FSD1L: variants seen among roughly 807,000 people sequenced by gnomAD.
FSD1L encodes FSD1-like protein.
Under a neutral mutation model 71.6 loss-of-function variants are expected in FSD1L, and 45 were observed. The ratio of observed to expected loss-of-function variants is 0.63; its 90% confidence interval spans 0.49 to 0.81. The LOEUF (loss-of-function observed/expected upper bound fraction) is 0.81. FSD1L is among the 30% of genes least tolerant of loss of function. The pLI is 0.00. For synonymous variants in FSD1L, 197 were observed against 207.2 expected (o/e 0.95, Z 0.42); for missense variants, 561 against 618.1 (o/e 0.91, Z 0.98).
Position 105,546,998 on chromosome 9 carries a change from C to G in FSD1L, c.*515C>G, listed in dbSNP as rs373602494. 6.6e-6 allele frequency: 1 copy of G among 151,878 alleles called. No homozygotes were observed. 9.4% of individuals were successfully genotyped at this position (151,878 alleles called of 1,614,324 possible). A position where few individuals can be genotyped will look rare whatever the true frequency, so the allele number is the denominator to read the frequency against. On this transcript the variant is annotated 3_prime_UTR_variant, in exon 14 of 14. Transcript: ENST00000481272. ...AAGGTTTTCAAATGGTTTATTTTTC[C>G]TCTTTTATAAATAAGTTTTACAAAA...
chr9:105,494,963 A>G (rs537460774), intron 7 of FSD1L, among the ~76,000 whole-genome samples: 1 of 152,296 alleles, frequency 6.6e-6, no homozygotes, highest in African/African-American at 2.4e-5. Context: ...TCACGGACCC[A>G]CTTGAGGAGG....
chr9:105,497,178 T>C (rs1394359551), intron 7 of FSD1L, among the ~76,000 whole-genome samples: 1 of 152,224 alleles, frequency 6.6e-6, no homozygotes, highest in Non-Finnish European at 1.5e-5. Flanking sequence ...ACATTGATTT[T>C]TCAAATGTCG....
At chr9:105,468,917 G>C (rs190932894) in intron 4 of FSD1L, among the ~76,000 whole-genome samples, 1 of 152,186 alleles carries the variant, frequency 6.6e-6, no homozygotes, top group East Asian at 1.9e-4. Context: ...TATGTCCCTT[G>C]ATCAACAACT....
At chr9:105,541,062 T>G (rs2768284) in intron 13 of FSD1L, among the ~76,000 whole-genome samples, 1 of 152,058 alleles carries the variant, frequency 6.6e-6, no homozygotes, top group Non-Finnish European at 1.5e-5. Flanking sequence ...CTGTAACTTC[T>G]CAACTATAAG....
rs528976266 is a variant in FSD1L, at chr9:105,452,882, A to G, written c.15+4647A>G. On this transcript the variant is annotated intron_variant, in intron 1 of 13. Transcript: ENST00000481272. ...CCTGAGCAGCTGGGACTACAGGTGC[A>G]TGCCACCATATACTTGGCTAATTTT... Among the ~76,000 whole-genome samples the G allele has an allele frequency of 1.3e-4, 20 of 152,004 alleles. No individual in the cohort carries two copies. The South Asian group carries it at 4.0e-3, about 30-fold the overall frequency.
intron 10 of FSD1L, among the ~76,000 whole-genome samples, chr9:105,532,596 G>A (rs1051109660): frequency 2.6e-5 from 4 of 152,052 alleles, no homozygotes; most frequent in South Asian, 2.1e-4. Flanking sequence ...TGCTGTCCCC[G>A]TACCCAATAG....
chr9:105,481,183 CTTTTTTTTT>C (rs1169730136), intron 6 of FSD1L, among the ~76,000 whole-genome samples: 1 of 28,772 alleles, frequency 3.5e-5, no homozygotes, highest in African/African-American at 1.3e-4. Context: ...GTGTGTGGTT[CTTTTTTTTT>C]TTTTTTTTTT....
At chr9:105,493,558 G>T (rs1240355699) in intron 7 of FSD1L, among the ~76,000 whole-genome samples, 3 of 152,064 alleles carry the variant, frequency 2.0e-5, no homozygotes, top group Non-Finnish European at 2.9e-5. Flanking sequence ...GTTAGCTGGT[G>T]ATTTTGCTCG....
At chr9:105,486,781 G>A (rs545367611) in intron 7 of FSD1L, among the ~76,000 whole-genome samples, 23 of 151,982 alleles carry the variant, frequency 1.5e-4, no homozygotes, top group African/African-American at 5.1e-4. Flanking sequence ...TATTTTTGTT[G>A]GAAAAAAATA....
intron 10 of FSD1L, among the ~76,000 whole-genome samples, chr9:105,531,949 C>G (rs183695320): frequency 1.7e-3 from 255 of 152,262 alleles, no homozygotes; most frequent in Admixed American, 2.5e-3. Flanking sequence ...TTTCACACCT[C>G]TTTTTAAGAA....
At chr9:105,476,720 C>G (rs1220174437) in intron 5 of FSD1L, among the ~76,000 whole-genome samples, 1 of 152,030 alleles carries the variant, frequency 6.6e-6, no homozygotes. Context: ...AACTTAGAAG[C>G]TGTATAGTAT....
Position 105,471,972 on chromosome 9 carries a change from A to C in FSD1L, c.408A>C (p.Ser136=). 2.8e-6 allele frequency: 4 copies of C among 1,443,550 alleles called. No individual in the cohort carries two copies. The highest frequency in any genetic ancestry group is 3.6e-6 in the Non-Finnish European group (4 of 1,099,826). 89.4% of individuals were successfully genotyped at this position (1,443,550 alleles called of 1,614,324 possible). A position where few individuals can be genotyped will look rare whatever the true frequency, so the allele number is the denominator to read the frequency against. The change falls in exon 5 of 14, where the codon TCA becomes TCC. Residue 136 remains serine, a synonymous_variant. Coordinates refer to ENST00000481272, the MANE Select transcript of FSD1L (RefSeq NM_001145313.3). ...SEELLEFATR[S]LDIKEPEEFS... ...AACTATTAGAATTTGCAACAAGGTCATTAGATATAAAGGAACCTGAAGAAT... is the reference window on the plus strand; with the variant it reads ...AACTATTAGAATTTGCAACAAGGTCCTTAGATATAAAGGAACCTGAAGAAT...
chr9:105,489,880 A>G (rs1262013004), intron 7 of FSD1L, among the ~76,000 whole-genome samples: 1 of 152,230 alleles, frequency 6.6e-6, no homozygotes, highest in Admixed American at 6.5e-5. Context: ...TATATGTGCT[A>G]CGTTTTCTTA....
chr9:105,518,081 T>G (rs1300914100), intron 10 of FSD1L, among the ~76,000 whole-genome samples: 1 of 152,032 alleles, frequency 6.6e-6, no homozygotes, highest in Non-Finnish European at 1.5e-5. Context: ...TACATAATGG[T>G]AAAGGGATCA....
intron 10 of FSD1L, chr9:105,513,689 A>T (rs1834532337): frequency 7.5e-7 from 1 of 1,336,720 alleles, no homozygotes. Flanking sequence ...TGGCTGATTA[A>T]AAAAACTTTA....
chr9:105,490,412 G>T (rs1291888283), intron 7 of FSD1L, among the ~76,000 whole-genome samples: 8 of 152,174 alleles, frequency 5.3e-5, no homozygotes, highest in Admixed American at 5.2e-4. Flanking sequence ...CCTGCCCTTT[G>T]TCAGATGAGT....
intron 13 of FSD1L, among the ~76,000 whole-genome samples, chr9:105,541,772 T>G (rs1836629689): frequency 6.6e-6 from 1 of 152,160 alleles, no homozygotes; most frequent in African/African-American, 2.4e-5. Flanking sequence ...GAAAATTCCT[T>G]TGTGTTCTTT....
At chr9:105,492,361 T>C (rs2131753408) in intron 7 of FSD1L, among the ~76,000 whole-genome samples, 1 of 152,304 alleles carries the variant, frequency 6.6e-6, no homozygotes, top group East Asian at 1.9e-4. Flanking sequence ...TTATCATTTT[T>C]TATTGTGTCT....
At chr9:105,497,983 A>G (rs1279184253) in intron 7 of FSD1L, among the ~76,000 whole-genome samples, 4 of 152,050 alleles carry the variant, frequency 2.6e-5, no homozygotes, top group Non-Finnish European at 5.9e-5. Context: ...AGTTAGGACT[A>G]CAGGCATGTG....
Sources: allele counts gnomAD v4.1 joint callset (sites outside exome capture counted in the v4.1 genomes callset), GRCh38; gene constraint gnomAD v4.1.1; transcripts MANE v1.5; gene names NCBI Gene and HGNC (gene_info 2026-07-23, HGNC 2026-07-21).